Variants in ADGRA1 observed in about 807,000 individuals in gnomAD.
ADGRA1 encodes G-protein coupled receptor 123.
A neutral mutation model predicts 21.3 loss-of-function variants in ADGRA1; 12 were observed. The ratio of observed to expected loss-of-function variants is 0.56; its 90% CI spans 0.36 to 0.91. ADGRA1 has a LOEUF of 0.91. Among genes scored for constraint, ADGRA1 ranks in the 40% least tolerant of loss-of-function variants. ADGRA1 has a pLI of 0.01. For synonymous variants in ADGRA1, 385 were observed against 368.8 expected (o/e 1.04, Z -0.50); for missense variants, 790 against 805.6 (o/e 0.98, Z 0.23).
At chr10:133,126,580 C>T (rs1339653010) in intron 5 of ADGRA1, among the ~76,000 whole-genome samples, 1 of 152,166 alleles carries the variant, frequency 6.6e-6, no homozygotes, top group Non-Finnish European at 1.5e-5. Flanking sequence ...AGCAAGTGCA[C>T]CCGGTCCGGG....
At chr10:133,125,455 G>A (rs1185526646) in intron 5 of ADGRA1, among the ~76,000 whole-genome samples, 2 of 152,040 alleles carry the variant, frequency 1.3e-5, no homozygotes, top group South Asian at 2.1e-4. Flanking sequence ...ACGGAGTCTC[G>A]TTCTGTCGCC....
chr10:133,125,487 G>A (rs1008479590), intron 5 of ADGRA1, among the ~76,000 whole-genome samples: 16 of 152,130 alleles, frequency 1.1e-4, no homozygotes, highest in African/African-American at 2.7e-4. Flanking sequence ...GCAGTGGCGC[G>A]ATCTCGGCTC....
At chr10:133,124,138 G>C (rs759923971) in intron 5 of ADGRA1, among the ~76,000 whole-genome samples, 22 of 151,756 alleles carry the variant, frequency 1.4e-4, no homozygotes, top group African/African-American at 5.3e-4. Flanking sequence ...CACCCTCCCC[G>C]GCCAGCCCAC....
At chr10:133,096,256 C>T (rs1359430808) in intron 2 of ADGRA1, among the ~76,000 whole-genome samples, 1 of 152,216 alleles carries the variant, frequency 6.6e-6, no homozygotes, top group African/African-American at 2.4e-5. Flanking sequence ...CTGTGCTTCC[C>T]CGGTGAGCTC....
At chr10:133,098,534 G>A (rs569156376) in intron 3 of ADGRA1, 106 bp from the exon 4 acceptor site, 5 of 1,395,960 alleles carry the variant, frequency 3.6e-6, no homozygotes, top group East Asian at 2.4e-5. Flanking sequence ...ACCCCACGGA[G>A]AGCCCGGACT....
intron 5 of ADGRA1, among the ~76,000 whole-genome samples, chr10:133,116,128 G>A (rs1372142896): frequency 3.3e-5 from 5 of 151,894 alleles, no homozygotes; most frequent in Non-Finnish European, 7.4e-5. Flanking sequence ...GGCATTCCTC[G>A]TGGAGCCCAG....
chr10:133,124,085 C>A (rs1362896912), intron 5 of ADGRA1, among the ~76,000 whole-genome samples: 1 of 152,196 alleles, frequency 6.6e-6, no homozygotes, highest in African/African-American at 2.4e-5. Flanking sequence ...TCACTTGGCA[C>A]TGGGTCACGT....
intron 3 of ADGRA1, among the ~76,000 whole-genome samples, chr10:133,098,368 C>T (rs950285540): frequency 6.6e-6 from 1 of 152,194 alleles, no homozygotes; most frequent in Non-Finnish European, 1.5e-5. Flanking sequence ...TGTCTTCATC[C>T]GCCAAGGGAT....
intron 5 of ADGRA1, among the ~76,000 whole-genome samples, chr10:133,122,328 G>A (rs565493653): frequency 3.0e-4 from 46 of 152,292 alleles, no homozygotes; most frequent in African/African-American, 1.0e-3. Flanking sequence ...CTGCGTCCTC[G>A]CCCCGTTTCC....
rs1488967293 is a variant in ADGRA1, at chr10:133,097,107, C to G, written c.131+6C>G. On this transcript the variant is annotated splice_donor_region_variant and intron_variant, in intron 3 of 6. Transcript: ENST00000392607. ...ACCTACATCGTGCACCAGAGGTGAG[C>G]CTGGCATGGGCAAGGGCGCCCCCTG... The G allele has an allele frequency of 6.2e-7, 1 of 1,604,226 alleles. No homozygotes were observed. Among genetic ancestry groups the G allele is most frequent in the Non-Finnish European group, 8.5e-7 (1 of 1,179,920 alleles).
Position 133,122,396 on chromosome 10 carries a change from T to C in ADGRA1, c.402-4837T>C, listed in dbSNP as rs544854992. 1.9e-3 allele frequency among the ~76,000 whole-genome samples: 291 copies of C among 152,230 alleles called. 2 individuals carry two copies. Among genetic ancestry groups the C allele is most frequent in the African/African-American group, 6.4e-3 (267 of 41,528 alleles). ...AGCTCCAACCAGCAGCGGGCTAGTGTGCCAGGAGGGATCACAGAGCCGGCA... is the reference window on the plus strand; with the variant it reads ...AGCTCCAACCAGCAGCGGGCTAGTGCGCCAGGAGGGATCACAGAGCCGGCA... On this transcript the variant is annotated intron_variant, in intron 5 of 6. Coordinates refer to ENST00000392607, the MANE Select transcript of ADGRA1 (RefSeq NM_001083909.3).
chr10:133,121,850 CGT>C (rs751751110), intron 5 of ADGRA1, among the ~76,000 whole-genome samples: 2 of 102,530 alleles, frequency 2.0e-5, no homozygotes, highest in Non-Finnish European at 3.9e-5. Flanking sequence ...TGTGCCTGTG[CGT>C]GTGTGAATGA....
chr10:133,117,881 G>A (rs1205423740), intron 5 of ADGRA1, among the ~76,000 whole-genome samples: 1 of 152,240 alleles, frequency 6.6e-6, no homozygotes, highest in Non-Finnish European at 1.5e-5. Context: ...TCCAGCCAGT[G>A]GCCAGACAGC....
At chr10:133,109,285 C>T (rs981063044) in intron 5 of ADGRA1, among the ~76,000 whole-genome samples, 3 of 152,128 alleles carry the variant, frequency 2.0e-5, no homozygotes, top group African/African-American at 4.8e-5. Flanking sequence ...TCCCAGCCCC[C>T]GCTCCCTGGA....
At chr10:133,111,893 A>AC (rs1564849546) in intron 5 of ADGRA1, among the ~76,000 whole-genome samples, 2 of 17,248 alleles carry the variant, frequency 1.2e-4, no homozygotes, top group Non-Finnish European at 2.6e-4. Flanking sequence ...CCCACCACAG[A>AC]CACCTCCCTC....
intron 3 of ADGRA1, among the ~76,000 whole-genome samples, chr10:133,097,766 G>A (rs367646211): frequency 5.3e-5 from 8 of 152,218 alleles, no homozygotes; most frequent in African/African-American, 1.4e-4. Context: ...TCTGGAGGCC[G>A]AGGTCCCAGA....
At chr10:133,124,183 C>A (rs1446602469) in intron 5 of ADGRA1, among the ~76,000 whole-genome samples, 1 of 149,772 alleles carries the variant, frequency 6.7e-6, no homozygotes, top group African/African-American at 2.5e-5. Flanking sequence ...GGCCAGGCCA[C>A]CCTCTTGGGC....
At chr10:133,108,441 G>A (rs1366370945) in intron 5 of ADGRA1, among the ~76,000 whole-genome samples, 1 of 152,160 alleles carries the variant, frequency 6.6e-6, no homozygotes, top group Non-Finnish European at 1.5e-5. Context: ...GAAGCAGGGA[G>A]GGACACCAGA....
At chr10:133,090,589 C>T (rs1225494217) in intron 2 of ADGRA1, among the ~76,000 whole-genome samples, 1 of 152,214 alleles carries the variant, frequency 6.6e-6, no homozygotes, top group Non-Finnish European at 1.5e-5. Flanking sequence ...CAGCACGTGT[C>T]TCCAAGTTCA....
Sources: allele counts gnomAD v4.1 joint callset (sites outside exome capture counted in the v4.1 genomes callset), GRCh38; gene constraint gnomAD v4.1.1; transcripts MANE v1.5; gene names NCBI Gene and HGNC (gene_info 2026-07-23, HGNC 2026-07-21).